Variants in VIL1 observed in about 807,000 individuals in gnomAD.
VIL1 encodes villin 1.
Under a neutral mutation model 104.0 loss-of-function variants are expected in VIL1, and 86 were observed. The ratio of observed to expected loss-of-function variants is 0.83; its 90% CI spans 0.69 to 0.99. The LOEUF (loss-of-function observed/expected upper bound fraction) is 0.99. Ranked by LOEUF, VIL1 falls within the 50% of genes least tolerant of loss-of-function variation. The probability of loss-of-function intolerance (pLI) is 0.00; values close to 1 mark genes in which losing one functional copy is unlikely to be tolerated. For synonymous variants in VIL1, 394 were observed against 412.6 expected (o/e 0.95, Z 0.55); for missense variants, 944 against 1,054.1 (o/e 0.90, Z 1.45).
Position 218,436,474 on chromosome 2 carries a change from T to A in VIL1, c.1827-8T>A. 3 of 1,612,994 alleles carry A rather than the reference T, an allele frequency of 1.9e-6. No individual in the cohort carries two copies. The highest frequency in any genetic ancestry group is 2.5e-6 in the Non-Finnish European group (3 of 1,179,512). On this transcript the variant is annotated splice_region_variant and splice_polypyrimidine_tract_variant and intron_variant, in intron 15 of 19. Transcript: ENST00000248444. ...TTCTGCCAGTACAATCTTCTCTCCA[T>A]CCTGCAGACTACAGGAAGAAAACCT...
chr2:218,432,954 G>A lies in VIL1; in HGVS notation c.1500+3G>A. On this transcript the variant is annotated splice_donor_region_variant and intron_variant, in intron 13 of 19. Transcript: ENST00000248444. ...AGGGACGCATGGTGGTCTACCAGGT[G>A]TGGCTGCTGAACTGAGGTGTCTGGC... 1.2e-6 allele frequency: 2 copies of A among 1,614,178 alleles called. No individual in the cohort carries two copies. The highest frequency in any genetic ancestry group is 1.7e-6 in the Non-Finnish European group (2 of 1,180,038).
Position 218,452,324 on chromosome 2 carries a change from C to G in VIL1, c.*2988C>G, listed in dbSNP as rs545629009. 31 of 152,302 alleles carry G rather than the reference C, an allele frequency of 2.0e-4. No homozygotes were observed. Among genetic ancestry groups the G allele is most frequent in the Middle Eastern group, 3.4e-3 (1 of 294 alleles). 9.4% of individuals were successfully genotyped at this position (152,302 alleles called of 1,614,324 possible). On this transcript the variant is annotated 3_prime_UTR_variant, in exon 20 of 20. Coordinates refer to ENST00000248444, the MANE Select transcript of VIL1 (RefSeq NM_007127.3). ...TCCCTTCCTGGCCCCAACATGCTAACTGCCCCATCCCCAATTCTGGGCAAA... is the reference window on the plus strand; with the variant it reads ...TCCCTTCCTGGCCCCAACATGCTAAGTGCCCCATCCCCAATTCTGGGCAAA...
chr2:218,440,571 A>T, intron 18 of VIL1, 151 bp from the exon 19 acceptor site: 3 of 898,210 alleles, frequency 3.3e-6, no homozygotes, highest in Non-Finnish European at 5.1e-6. Context: ...CACCCAGCCT[A>T]TGTTGTTCTT....
In VIL1 at chr2:218,427,633, A is replaced by G. The variant is rs576156317; in HGVS notation, c.348-332A>G. ...GAGTCACCGCACCTGGCCTATTAAT[A>G]TATTTCCTACTCTTAATATATCATG... On this transcript the variant is annotated intron_variant, in intron 4 of 19. Coordinates refer to ENST00000248444, the MANE Select transcript of VIL1 (RefSeq NM_007127.3). Among the ~76,000 whole-genome samples the G allele has an allele frequency of 1.2e-4, 18 of 152,130 alleles. No individual in the cohort carries two copies. The East Asian group carries it at 3.1e-3, about 26-fold the overall frequency.
intron 4 of VIL1, 115 bp from the exon 5 acceptor site, chr2:218,427,850 C>T: frequency 1.1e-6 from 1 of 925,516 alleles, no homozygotes; most frequent in African/African-American, 1.6e-5. Context: ...ATTGACCTCG[C>T]CTACTCCCAC....
chr2:218,429,970 G>GGCGGC, intron 9 of VIL1, 23 bp downstream of exon 9: 2 of 1,516,852 alleles, frequency 1.3e-6, no homozygotes, highest in Non-Finnish European at 1.8e-6. Context: ...GCGGGGGAGG[G>GGCGGC]TCCAGGAGGA....
intron 15 of VIL1, among the ~76,000 whole-genome samples, 174 bp downstream of exon 15, chr2:218,435,608 C>T (rs1194095849): frequency 1.3e-5 from 2 of 152,240 alleles, no homozygotes; most frequent in Admixed American, 1.3e-4. Context: ...CCCTTGGAGC[C>T]TCTTGGCACA....
intron 1 of VIL1, among the ~76,000 whole-genome samples, chr2:218,423,212 A>G (rs1053158248): frequency 2.0e-5 from 3 of 152,098 alleles, no homozygotes; most frequent in Non-Finnish European, 4.4e-5. Flanking sequence ...CCTGGCCCAC[A>G]TGGGGAAACC....
chr2:218,422,643 A>G (rs2106389504), intron 1 of VIL1, among the ~76,000 whole-genome samples: 1 of 152,372 alleles, frequency 6.6e-6, no homozygotes, highest in South Asian at 2.1e-4. Flanking sequence ...TAAAAGGCCA[A>G]GTCACTAAGA....
chr2:218,445,968 G>A (rs1037640562), intron 19 of VIL1, among the ~76,000 whole-genome samples: 4 of 152,160 alleles, frequency 2.6e-5, no homozygotes, highest in Admixed American at 1.3e-4. Context: ...AGGTAAAATT[G>A]TGCTATCTAA....
intron 13 of VIL1, among the ~76,000 whole-genome samples, chr2:218,434,068 G>A (rs1689144089): frequency 6.6e-6 from 1 of 151,720 alleles, no homozygotes; most frequent in Admixed American, 6.6e-5. Flanking sequence ...GTGGCAGTGG[G>A]TGCCTACAAT....
chr2:218,442,480 T>C (rs1435868209), intron 19 of VIL1, among the ~76,000 whole-genome samples: 1 of 152,162 alleles, frequency 6.6e-6, no homozygotes, highest in Non-Finnish European at 1.5e-5. Flanking sequence ...TGGACACTTT[T>C]TTTTAAATTT....
intron 13 of VIL1, among the ~76,000 whole-genome samples, chr2:218,433,914 A>AT (rs398042876): frequency 2.0e-5 from 3 of 146,492 alleles, no homozygotes; most frequent in Non-Finnish European, 4.5e-5. Flanking sequence ...AAAAAAAAAA[A>AT]GGCTAGGCGC....
At chr2:218,440,310 C>A (rs189918422) in intron 18 of VIL1, among the ~76,000 whole-genome samples, 19 of 152,292 alleles carry the variant, frequency 1.2e-4, no homozygotes, top group African/African-American at 3.9e-4. Context: ...CTCTCTGTTG[C>A]CCAGGCTGAA....
chr2:218,435,225 GAATGT>G (rs1317785134), intron 14 of VIL1, 59 bp from the exon 15 acceptor site: 1 of 1,580,810 alleles, frequency 6.3e-7, no homozygotes, highest in African/African-American at 1.3e-5. Context: ...TCTGGGCAGT[GAATGT>G]AGTAGGAGGG....
In VIL1 at chr2:218,451,679, CCT is replaced by C. The variant is rs1324151969; in HGVS notation, c.*2346_*2347del. 2 of 152,046 alleles carry C rather than the reference CCT, an allele frequency of 1.3e-5. No homozygotes were observed. The highest frequency in any genetic ancestry group is 4.8e-5 in the African/African-American group (2 of 41,384). The allele number at this position is 152,046 out of a possible 1,614,324, so 9.4% of individuals were successfully genotyped here. On this transcript the variant is annotated 3_prime_UTR_variant, in exon 20 of 20. Transcript: ENST00000248444. ...TTTGCTGAGGTTTTAAATTTTAAAG[CCT>C]CTGTTTCAGAATTTTATACTTGATC... is the stretch of plus-strand genomic sequence containing the variant.
intron 19 of VIL1, among the ~76,000 whole-genome samples, chr2:218,441,993 G>GATA (rs34846635): frequency 0.094 from 14,158 of 151,352 alleles, 1,166 homozygotes; most frequent in African/African-American, 0.23. Context: ...ATCTCAAAAT[G>GATA]ATAATAATAA....
rs757419436 is a variant in VIL1, at chr2:218,429,868, A to AG, written c.875dup (p.Leu293ProfsTer13). 6.5e-7 allele frequency: 1 copy of AG among 1,542,750 alleles called. No homozygotes were observed. The highest frequency in any genetic ancestry group is 8.8e-7 in the Non-Finnish European group (1 of 1,135,902). On this transcript the variant is annotated frameshift_variant, in exon 9 of 20. Coordinates refer to ENST00000248444, the MANE Select transcript of VIL1 (RefSeq NM_007127.3). LOFTEE classifies it high-confidence loss of function. ...CTCTAGGACTGTTACATCCTGGACCAGGGGGGCCTGAAGATCTACGTGTGG... is the reference window on the plus strand; with the variant it reads ...CTCTAGGACTGTTACATCCTGGACCAGGGGGGGCCTGAAGATCTACGTGTGG...
intron 1 of VIL1, among the ~76,000 whole-genome samples, chr2:218,419,544 C>T (rs1198262231): frequency 6.6e-6 from 1 of 152,216 alleles, no homozygotes; most frequent in Admixed American, 6.5e-5. Context: ...CCCACCAGCT[C>T]ATCTCTTTGC....
Sources: allele counts gnomAD v4.1 joint callset (sites outside exome capture counted in the v4.1 genomes callset), GRCh38; gene constraint gnomAD v4.1.1; transcripts MANE v1.5; gene names NCBI Gene and HGNC (gene_info 2026-07-23, HGNC 2026-07-21).